SLC5A3: variants seen among roughly 807,000 people sequenced by gnomAD.
SLC5A3 encodes solute carrier family 5 member 3.
In SLC5A3, 10 loss-of-function variants were observed where a neutral mutation model predicts 43.2. The observed-to-expected ratio is 0.23, with a 90% CI of 0.14 to 0.39. SLC5A3 has a LOEUF of 0.39. Ranked by LOEUF, SLC5A3 falls within the 10% of genes least tolerant of loss-of-function variation. SLC5A3 has a pLI of 1.00. For synonymous variants in SLC5A3, 349 were observed against 322.0 expected (o/e 1.08, Z -0.90); for missense variants, 608 against 893.4 (o/e 0.68, Z 4.07).
Position 34,102,483 on chromosome 21 carries a change from A to G in SLC5A3, c.*5128A>G. ...AACCAACAACCCTAACCATTGGCAT[A>G]TATAGTCTTTCACTCAGAAATAAAC... is the stretch of plus-strand genomic sequence containing the variant. On this transcript the variant is annotated 3_prime_UTR_variant, in exon 2 of 2. Transcript: ENST00000381151. The G allele has an allele frequency of 1.0e-6, 1 of 1,000,174 alleles. No homozygotes were observed. The allele number at this position is 1,000,174 out of a possible 1,614,324, so 62.0% of individuals were successfully genotyped here.
Position 34,096,875 on chromosome 21 carries a change from C to T in SLC5A3, c.1677C>T (p.Ser559=). The T allele has an allele frequency of 2.5e-6, 4 of 1,614,014 alleles. No homozygotes were observed. The highest frequency in any genetic ancestry group is 3.4e-6 in the Non-Finnish European group (4 of 1,179,980). ...ACCTGGTGGTGAAGGAGAACTGCTC[C>T]CCAAAAGAGGAACCATACAAAATGC... The part of the protein sequence containing the change: ...KKNLVVKENC[S]PKEEPYKMQE... Residue 559 remains serine, a synonymous_variant, in exon 2 of 2, where the codon TCC becomes TCT. Coordinates refer to ENST00000381151, the MANE Select transcript of SLC5A3 (RefSeq NM_006933.7). The surrounding 1 kb of genome is among the most constrained non-coding windows in gnomAD (Gnocchi z 5.9).
intron 1 of SLC5A3, among the ~76,000 whole-genome samples, chr21:34,084,875 T>C (rs1989536452): frequency 6.6e-6 from 1 of 152,226 alleles, no homozygotes; most frequent in South Asian, 2.1e-4. Context: ...TTAACACTTG[T>C]ATGATTTTTG....
intron 1 of SLC5A3, among the ~76,000 whole-genome samples, chr21:34,074,303 C>T (rs1989268696): frequency 6.6e-6 from 1 of 152,302 alleles, no homozygotes; most frequent in South Asian, 2.1e-4. Flanking sequence ...TGTCTGTATT[C>T]CAGTCTCTTG....
chr21:34,104,895 C>T lies in SLC5A3; in HGVS notation c.*7540C>T, dbSNP rs140104162. 2,911 of 1,000,130 alleles carry T rather than the reference C, an allele frequency of 2.9e-3. 6 individuals are homozygous for T. Among genetic ancestry groups the T allele is most frequent in the Non-Finnish European group, 3.3e-3 (2,735 of 829,870 alleles). The allele number at this position is 1,000,130 out of a possible 1,614,324, so 62.0% of individuals were successfully genotyped here. A position where few individuals can be genotyped will look rare whatever the true frequency, so the allele number is the denominator to read the frequency against. On this transcript the variant is annotated 3_prime_UTR_variant, in exon 2 of 2. Transcript: ENST00000381151. ...AAAATGCTTCTGGAGATTTCTTTGG[C>T]AGAAATGCCTTTCATCTATAATTTC...
intron 1 of SLC5A3, among the ~76,000 whole-genome samples, chr21:34,092,641 A>G (rs1394374022): frequency 6.6e-6 from 1 of 152,248 alleles, no homozygotes; most frequent in African/African-American, 2.4e-5. Flanking sequence ...ACAATGAAGA[A>G]CAATGTTACT....
At position 34,101,529 on chromosome 21, in the gene SLC5A3, T is replaced by C. The variant is rs1244606535; in HGVS notation, c.*4174T>C. 1 of 1,000,098 alleles carries C rather than the reference T, an allele frequency of 1.0e-6. No homozygotes were observed. Among genetic ancestry groups the C allele is most frequent in the Middle Eastern group, 5.2e-4 (1 of 1,938 alleles). 62.0% of individuals were successfully genotyped at this position (1,000,098 alleles called of 1,614,324 possible). A position where few individuals can be genotyped will look rare whatever the true frequency, so the allele number is the denominator to read the frequency against. On this transcript the variant is annotated 3_prime_UTR_variant, in exon 2 of 2. Transcript: ENST00000381151. ...TGGGATCTGTTTCTATATGTGTATA[T>C]GCCCACTTACCATTCAGAGAGACTG...
intron 1 of SLC5A3, among the ~76,000 whole-genome samples, chr21:34,080,490 C>T (rs992324528): frequency 7.2e-5 from 11 of 152,154 alleles, no homozygotes; most frequent in African/African-American, 2.7e-4. Flanking sequence ...CCCTCCCTTT[C>T]CACAATACCC....
At chr21:34,080,498 C>T (rs781595762) in intron 1 of SLC5A3, among the ~76,000 whole-genome samples, 1 of 152,134 alleles carries the variant, frequency 6.6e-6, no homozygotes, top group Non-Finnish European at 1.5e-5. Flanking sequence ...TTCCACAATA[C>T]CCCACCACCT....
Position 34,104,692 on chromosome 21 carries a change from C to A in SLC5A3, c.*7337C>A, listed in dbSNP as rs1979399276. The stretch of plus-strand genomic sequence containing the variant: ...TATTTGAGAATATCAAACCTCAGGC[C>A]TGGGGGGATGAGGGGAAGAAGATTA... On this transcript the variant is annotated 3_prime_UTR_variant, in exon 2 of 2. Transcript: ENST00000381151. 2.0e-6 allele frequency: 2 copies of A among 1,000,224 alleles called. No individual in the cohort carries two copies. The highest frequency in any genetic ancestry group is 9.4e-5 in the South Asian group (2 of 21,284). 62.0% of individuals were successfully genotyped at this position (1,000,224 alleles called of 1,614,324 possible).
rs1979429435 is a variant in SLC5A3, at chr21:34,105,326, A to T, written c.*7971A>T. The T allele has an allele frequency of 1.0e-6, 1 of 998,906 alleles. No homozygotes were observed. Among genetic ancestry groups the T allele is most frequent in the Non-Finnish European group, 1.2e-6 (1 of 828,926 alleles). The allele number at this position is 998,906 out of a possible 1,614,324, so 61.9% of individuals were successfully genotyped here. ...TGCTTTCTTTTTTCTTTTTGATAAGATGGATATCAAAAATAGTTGCTGTGC... is the reference window on the plus strand; with the variant it reads ...TGCTTTCTTTTTTCTTTTTGATAAGTTGGATATCAAAAATAGTTGCTGTGC... On this transcript the variant is annotated 3_prime_UTR_variant, in exon 2 of 2. Coordinates refer to ENST00000381151, the MANE Select transcript of SLC5A3 (RefSeq NM_006933.7).
Position 34,101,025 on chromosome 21 carries a change from A to G in SLC5A3, c.*3670A>G, listed in dbSNP as rs1039008897. 25 of 1,000,032 alleles carry G rather than the reference A, an allele frequency of 2.5e-5. No homozygotes were observed. Among genetic ancestry groups the G allele is most frequent in the Non-Finnish European group, 2.5e-5 (21 of 829,948 alleles). The allele number at this position is 1,000,032 out of a possible 1,614,324, so 61.9% of individuals were successfully genotyped here. On this transcript the variant is annotated 3_prime_UTR_variant, in exon 2 of 2. Coordinates refer to ENST00000381151, the MANE Select transcript of SLC5A3 (RefSeq NM_006933.7). Reference sequence around the variant, plus strand: ...GGGATCACATGGGTCGTTGGTGGTGACACCTCACTGTTTCCTAGGTTTGGA... The same window carrying G: ...GGGATCACATGGGTCGTTGGTGGTGGCACCTCACTGTTTCCTAGGTTTGGA...
rs1979191411 is a variant in SLC5A3 at position 34,100,585 on chromosome 21, T to A, written c.*3230T>A. ...CACAAAGAGCCTGGCCAGGGTCATG[T>A]AGCCATAGCTCTTAGGGATGATACC... On this transcript the variant is annotated 3_prime_UTR_variant, in exon 2 of 2. Transcript: ENST00000381151. The A allele has an allele frequency of 6.0e-6, 6 of 1,000,160 alleles. No homozygotes were observed. Among genetic ancestry groups the A allele is most frequent in the Non-Finnish European group, 7.2e-6 (6 of 830,006 alleles). 62.0% of individuals were successfully genotyped at this position (1,000,160 alleles called of 1,614,324 possible). A position where few individuals can be genotyped will look rare whatever the true frequency, so the allele number is the denominator to read the frequency against.
chr21:34,105,892 A>G lies in SLC5A3; in HGVS notation c.*8537A>G. On this transcript the variant is annotated 3_prime_UTR_variant, in exon 2 of 2. Coordinates refer to ENST00000381151, the MANE Select transcript of SLC5A3 (RefSeq NM_006933.7). ...TTGTAGATTTAAGATTGTTAAAATC[A>G]TGACAATTCTAACTTGTCTATTCTA... 1 of 986,966 alleles carries G rather than the reference A, an allele frequency of 1.0e-6. No homozygotes were observed. The highest frequency in any genetic ancestry group is 1.2e-6 in the Non-Finnish European group (1 of 817,976). The allele number at this position is 986,966 out of a possible 1,614,324, so 61.1% of individuals were successfully genotyped here. A position where few individuals can be genotyped will look rare whatever the true frequency, so the allele number is the denominator to read the frequency against.
At chr21:34,081,849 A>G (rs972745776) in intron 1 of SLC5A3, among the ~76,000 whole-genome samples, 2 of 152,188 alleles carry the variant, frequency 1.3e-5, no homozygotes, top group African/African-American at 4.8e-5. Context: ...AAAACTTATT[A>G]TATCTAAGTT....
intron 1 of SLC5A3, among the ~76,000 whole-genome samples, chr21:34,083,517 G>A (rs545065958): frequency 6.6e-6 from 1 of 152,318 alleles, no homozygotes; most frequent in Admixed American, 6.5e-5. Flanking sequence ...GTACTGAAGT[G>A]TGTGGTTTTG....
chr21:34,081,244 T>G (rs1989452114), intron 1 of SLC5A3, among the ~76,000 whole-genome samples: 1 of 152,074 alleles, frequency 6.6e-6, no homozygotes, highest in Non-Finnish European at 1.5e-5. Flanking sequence ...AGATGTCGCT[T>G]AGATCAAGCA....
chr21:34,082,759 CAGAT>C (rs376641739), intron 1 of SLC5A3, among the ~76,000 whole-genome samples: 1,752 of 152,194 alleles, frequency 0.012, 38 homozygotes, highest in South Asian at 0.081. Flanking sequence ...ACTCCCACTC[CAGAT>C]AGATAACATC....
rs1280373636 is a variant in SLC5A3 at position 34,102,807 on chromosome 21, A to T, written c.*5452A>T. On this transcript the variant is annotated 3_prime_UTR_variant, in exon 2 of 2. Transcript: ENST00000381151. ...CACTATAACATAATTGTTGTCCATGATACTGAAGCTTTTCCCCTCACTTCT... is the reference window on the plus strand; with the variant it reads ...CACTATAACATAATTGTTGTCCATGTTACTGAAGCTTTTCCCCTCACTTCT... 1.0e-6 allele frequency: 1 copy of T among 1,000,002 alleles called. No individual in the cohort carries two copies. Among genetic ancestry groups the T allele is most frequent in the Non-Finnish European group, 1.2e-6 (1 of 829,900 alleles). The allele number at this position is 1,000,002 out of a possible 1,614,324, so 61.9% of individuals were successfully genotyped here.
At position 34,097,426 on chromosome 21, in the gene SLC5A3, TG is replaced by T. The variant is rs772272746; in HGVS notation, c.*72del. 33 of 1,356,824 alleles carry T rather than the reference TG, an allele frequency of 2.4e-5. No homozygotes were observed. Among genetic ancestry groups the T allele is most frequent in the Non-Finnish European group, 3.1e-5 (33 of 1,063,696 alleles). The allele number at this position is 1,356,824 out of a possible 1,614,324, so 84.0% of individuals were successfully genotyped here. A position where few individuals can be genotyped will look rare whatever the true frequency, so the allele number is the denominator to read the frequency against. On this transcript the variant is annotated 3_prime_UTR_variant, in exon 2 of 2. Transcript: ENST00000381151. Reference sequence around the variant, plus strand: ...TCTTTGGGGAAAAAAGTTATGTAACTGTGCATCTCTCAGGCATTGTTTACGC... The same window carrying T: ...TCTTTGGGGAAAAAAGTTATGTAACTTGCATCTCTCAGGCATTGTTTACGC...
Sources: allele counts gnomAD v4.1 joint callset (sites outside exome capture counted in the v4.1 genomes callset), GRCh38; gene constraint gnomAD v4.1.1; non-coding constraint Gnocchi (gnomAD v3.1); transcripts MANE v1.5; gene names NCBI Gene and HGNC (gene_info 2026-07-23, HGNC 2026-07-21).